CCDC126: variants seen among roughly 807,000 people sequenced by gnomAD.
CCDC126 encodes the protein coiled-coil domain-containing protein 126.
CCDC126 carries 5 observed loss-of-function variants against 11.7 expected under a neutral mutation model. The ratio of observed to expected loss-of-function variants is 0.43; its 90% CI spans 0.22 to 0.90. The LOEUF (loss-of-function observed/expected upper bound fraction) is 0.90. Among genes scored for constraint, CCDC126 ranks in the 40% least tolerant of loss-of-function variants. CCDC126 has a pLI of 0.27. For synonymous variants in CCDC126, 60 were observed against 61.9 expected (o/e 0.97, Z 0.14); for missense variants, 150 against 163.1 (o/e 0.92, Z 0.44).
chr7:23,622,683 T>G, intron 3 of CCDC126: 1 of 532,396 alleles, frequency 1.9e-6, no homozygotes, highest in Non-Finnish European at 3.8e-6. Flanking sequence ...GATGACTGCT[T>G]AGTACAGAGA....
chr7:23,622,263 G>T (rs1782917750), intron 3 of CCDC126, among the ~76,000 whole-genome samples: 1 of 152,200 alleles, frequency 6.6e-6, no homozygotes, highest in Admixed American at 6.5e-5. Context: ...TTCAGAGCCT[G>T]TTATTGGTGT....
At position 23,642,980 on chromosome 7, in the gene CCDC126, A is replaced by C. The variant is rs778037395; in HGVS notation, c.288A>C (p.Arg96=). 4 of 1,614,164 alleles carry C rather than the reference A, an allele frequency of 2.5e-6. No homozygotes were observed. Among genetic ancestry groups the C allele is most frequent in the South Asian group, 1.1e-5 (1 of 91,086 alleles). ...TCCTTCTGGATGACATTTTGCAACG[A>C]TTGGTGAAGCTGGAGAACAAAGTTG... ...IAVLLDDILQ[R]LVKLENKVDY... Residue 96 remains arginine, a synonymous_variant, in exon 4 of 4, where the codon CGA becomes CGC. Transcript: ENST00000307471.
In CCDC126 at chr7:23,612,791, T is replaced by C. The variant is rs564831827; in HGVS notation, c.238+1238T>C. 5.9e-5 allele frequency among the ~76,000 whole-genome samples: 9 copies of C among 152,362 alleles called. No homozygotes were observed. In the East Asian group the frequency reaches 7.7e-4, roughly 13 times the overall value. ...TAAGCCATCAATTGTATAGCATTTA[T>C]TATTTCCTAAGAAGCAGGTTTTGCC... On this transcript the variant is annotated intron_variant, in intron 3 of 3. Coordinates refer to ENST00000307471, the MANE Select transcript of CCDC126 (RefSeq NM_138771.4).
At chr7:23,622,155 G>T (rs763865298) in intron 3 of CCDC126, among the ~76,000 whole-genome samples, 5 of 152,188 alleles carry the variant, frequency 3.3e-5, no homozygotes, top group Admixed American at 6.5e-5. Flanking sequence ...CAGAAGGAAT[G>T]GTACCAGCTC....
chr7:23,629,636 A>G (rs182704733), intron 3 of CCDC126, among the ~76,000 whole-genome samples: 7 of 152,346 alleles, frequency 4.6e-5, no homozygotes, highest in South Asian at 4.1e-4. Flanking sequence ...AGATCATATG[A>G]ACAAAAACCA....
chr7:23,643,132 T>C lies in CCDC126; in HGVS notation c.*17T>C, dbSNP rs771362738. On this transcript the variant is annotated 3_prime_UTR_variant, in exon 4 of 4. Coordinates refer to ENST00000307471, the MANE Select transcript of CCDC126 (RefSeq NM_138771.4). ...ATCAGATAGCAGTTGAAAATCACCTTGTGCTGCTCCATCCACTGTGGATTA... is the reference window on the plus strand; with the variant it reads ...ATCAGATAGCAGTTGAAAATCACCTCGTGCTGCTCCATCCACTGTGGATTA... 8.7e-6 allele frequency: 14 copies of C among 1,608,100 alleles called. No individual in the cohort carries two copies. Among genetic ancestry groups the C allele is most frequent in the Admixed American group, 3.4e-5 (2 of 59,366 alleles).
chr7:23,600,581 T>C (rs1300868103), intron 2 of CCDC126, among the ~76,000 whole-genome samples: 1 of 152,170 alleles, frequency 6.6e-6, no homozygotes, highest in Admixed American at 6.5e-5. Context: ...CCTCTCTAGC[T>C]GAAATTCCTT....
At chr7:23,625,812 C>A (rs929611313) in intron 3 of CCDC126, among the ~76,000 whole-genome samples, 1 of 151,662 alleles carries the variant, frequency 6.6e-6, no homozygotes, top group Non-Finnish European at 1.5e-5. Context: ...CCCGCCACCA[C>A]GCCCAGCTAA....
At chr7:23,605,521 C>T (rs1364601147) in intron 2 of CCDC126, among the ~76,000 whole-genome samples, 1 of 152,008 alleles carries the variant, frequency 6.6e-6, no homozygotes. Flanking sequence ...ACGTTCACAT[C>T]ATCATGCAAC....
At chr7:23,625,825 T>A (rs1783006393) in intron 3 of CCDC126, among the ~76,000 whole-genome samples, 1 of 151,420 alleles carries the variant, frequency 6.6e-6, no homozygotes, top group South Asian at 2.1e-4. Context: ...CCAGCTAATT[T>A]TTTTTGTATT....
intron 2 of CCDC126, among the ~76,000 whole-genome samples, chr7:23,606,705 T>C (rs1001823941): frequency 2.6e-5 from 4 of 152,206 alleles, no homozygotes; most frequent in African/African-American, 9.7e-5. Flanking sequence ...GAGCACTTTC[T>C]CCTGGGAATC....
chr7:23,623,489 T>G (rs1782960768), intron 3 of CCDC126, among the ~76,000 whole-genome samples: 1 of 150,814 alleles, frequency 6.6e-6, no homozygotes, highest in South Asian at 2.1e-4. Flanking sequence ...CCTGCTGCTG[T>G]GGAGGCTGAG....
intron 3 of CCDC126, among the ~76,000 whole-genome samples, chr7:23,622,047 T>A (rs1010028772): frequency 6.6e-6 from 1 of 152,204 alleles, no homozygotes; most frequent in Non-Finnish European, 1.5e-5. Context: ...ATTCTCTTTT[T>A]TTGTTGTGTC....
chr7:23,603,803 T>C (rs1278471618), intron 2 of CCDC126, among the ~76,000 whole-genome samples: 1 of 152,170 alleles, frequency 6.6e-6, no homozygotes, highest in Non-Finnish European at 1.5e-5. Flanking sequence ...AAAGTAAACA[T>C]AAGGCATTTC....
intron 3 of CCDC126, among the ~76,000 whole-genome samples, chr7:23,614,369 C>T (rs1329528890): frequency 1.3e-5 from 2 of 152,196 alleles, no homozygotes; most frequent in African/African-American, 4.8e-5. Context: ...CATGAGATTG[C>T]AGCAATTCAG....
intron 2 of CCDC126, among the ~76,000 whole-genome samples, chr7:23,600,428 A>T (rs1782520724): frequency 7.2e-6 from 1 of 139,300 alleles, no homozygotes; most frequent in Non-Finnish European, 1.5e-5. Flanking sequence ...TAGAGAAAAT[A>T]TTTTAGGAAT....
chr7:23,599,289 A>G (rs969227837), intron 2 of CCDC126, among the ~76,000 whole-genome samples: 2 of 151,980 alleles, frequency 1.3e-5, no homozygotes, highest in Non-Finnish European at 2.9e-5. Flanking sequence ...ATTTATTTTC[A>G]TGACTTCTCC....
At position 23,643,053 on chromosome 7, in the gene CCDC126, A is replaced by G; in HGVS notation, c.361A>G (p.Ser121Gly). 6.2e-7 allele frequency: 1 copy of G among 1,614,124 alleles called. No individual in the cohort carries two copies. The highest frequency in any genetic ancestry group is 2.2e-5 in the East Asian group (1 of 44,878). Residue 121 changes from serine to glycine, a missense_variant, in exon 4 of 4, where the codon AGT (serine) becomes GGT (glycine). Physicochemically the swap from Ser to Gly is moderately conservative, Grantham distance 56 (BLOSUM62 0). Transcript: ENST00000307471. Reference sequence around the variant, plus strand: ...AGCAGCCAACACCACCAATGGTACTAGTGGGAATTTGGTGCCAGTAACCAC... The same window carrying G: ...AGCAGCCAACACCACCAATGGTACTGGTGGGAATTTGGTGCCAGTAACCAC... ...GSAANTTNGT[S>G]GNLVPVTTNK... is the part of the protein sequence containing the mutation.
At chr7:23,600,942 T>G (rs2128013539) in intron 2 of CCDC126, among the ~76,000 whole-genome samples, 1 of 152,184 alleles carries the variant, frequency 6.6e-6, no homozygotes, top group South Asian at 2.1e-4. Context: ...TGAGTATGGT[T>G]GTGTGCACCT....
Sources: allele counts gnomAD v4.1 joint callset (sites outside exome capture counted in the v4.1 genomes callset), GRCh38; gene constraint gnomAD v4.1.1; transcripts MANE v1.5; gene names NCBI Gene and HGNC (gene_info 2026-07-23, HGNC 2026-07-21).